NR4A3: variants seen among roughly 807,000 people sequenced by gnomAD.
NR4A3 encodes nuclear receptor subfamily 4 group A member 3.
Under a neutral mutation model 55.6 loss-of-function variants are expected in NR4A3, and 13 were observed. That is an observed-to-expected ratio of 0.23 (90% CI 0.15 to 0.37). The LOEUF (loss-of-function observed/expected upper bound fraction) is 0.37. NR4A3 is among the 10% of genes least tolerant of loss of function. The probability of loss-of-function intolerance (pLI) is 1.00; values close to 1 mark genes in which losing one functional copy is unlikely to be tolerated. For synonymous variants in NR4A3, 342 were observed against 357.9 expected (o/e 0.96, Z 0.50); for missense variants, 646 against 822.8 (o/e 0.79, Z 2.63).
intron 1 of NR4A3, among the ~76,000 whole-genome samples, chr9:99,823,740 A>AC (rs1227238812): frequency 1.5e-3 from 180 of 123,912 alleles, no homozygotes; most frequent in Non-Finnish European, 2.0e-3. Flanking sequence ...TCCGCCCCCC[A>AC]CCCCCCGGCA....
Position 99,835,998 on chromosome 9 carries a change from C to T in NR4A3, c.1254+2544C>T, listed in dbSNP as rs538814590. Among the ~76,000 whole-genome samples the T allele has an allele frequency of 3.3e-5, 5 of 152,290 alleles. No homozygotes were observed. The East Asian group carries it at 5.8e-4, about 18-fold the overall frequency. On this transcript the variant is annotated intron_variant, in intron 5 of 7. Coordinates refer to ENST00000395097, the MANE Select transcript of NR4A3 (RefSeq NM_006981.4). The stretch of plus-strand genomic sequence containing the variant: ...CAGGTTGAACCTCATAACTTGGATT[C>T]CCCTGCTTTTAGATGGCATTACACA...
chr9:99,828,562 G>A lies in NR4A3; in HGVS notation c.520G>A (p.Asp174Asn). 6.7e-7 allele frequency: 1 copy of A among 1,497,858 alleles called. No individual in the cohort carries two copies. The highest frequency in any genetic ancestry group is 8.9e-7 in the Non-Finnish European group (1 of 1,128,970). 92.8% of individuals were successfully genotyped at this position (1,497,858 alleles called of 1,614,324 possible). ...PGCIAPGPLL[D>N]PPMKAVPTVA... is the part of the protein sequence containing the mutation. ...CTGCATCGCACCCGGCCCGCTGCTG[G>A]ACCCGCCGATGAAGGCGGTCCCCAC... The change falls in exon 3 of 8, where the codon GAC (aspartate) becomes AAC (asparagine). Residue 174 changes from aspartate (D) to asparagine (N), a missense_variant. Physicochemically the swap from Asp to Asn is conservative, Grantham distance 23. Transcript: ENST00000395097. This position sits in a 1 kb window ranked among gnomAD's most constrained non-coding sequence, Gnocchi z 7.7.
chr9:99,845,550 G>A (rs1587882351), intron 6 of NR4A3, among the ~76,000 whole-genome samples: 1 of 152,028 alleles, frequency 6.6e-6, no homozygotes, highest in South Asian at 2.1e-4. Context: ...CTTCCTTTCA[G>A]TTATATATTT....
chr9:99,864,356 G>T lies in NR4A3; in HGVS notation c.*489G>T. 4.4e-6 allele frequency: 1 copy of T among 228,586 alleles called. No homozygotes were observed. Among genetic ancestry groups the T allele is most frequent in the Non-Finnish European group, 8.7e-6 (1 of 114,882 alleles). The allele number at this position is 228,586 out of a possible 1,614,324, so 14.2% of individuals were successfully genotyped here. A position where few individuals can be genotyped will look rare whatever the true frequency, so the allele number is the denominator to read the frequency against. On this transcript the variant is annotated 3_prime_UTR_variant, in exon 8 of 8. Transcript: ENST00000395097. ...AAGGTACGTATGTGGTGCAAACAAG[G>T]CAGAAACTTCCTTTTAATTTCCTTC...
chr9:99,852,298 T>C (rs913177954), intron 7 of NR4A3, among the ~76,000 whole-genome samples: 2 of 152,150 alleles, frequency 1.3e-5, no homozygotes, highest in African/African-American at 2.4e-5. Context: ...TATATTAAAA[T>C]CACACATATG....
chr9:99,852,499 T>G (rs563549196), intron 7 of NR4A3, among the ~76,000 whole-genome samples: 190 of 152,320 alleles, frequency 1.2e-3, no homozygotes, highest in Middle Eastern at 3.4e-3. Context: ...ATGTGATATT[T>G]ACCTTCTGGC....
intron 7 of NR4A3, among the ~76,000 whole-genome samples, chr9:99,857,461 A>G (rs768703989): frequency 6.6e-6 from 1 of 152,106 alleles, no homozygotes; most frequent in Non-Finnish European, 1.5e-5. Flanking sequence ...CCATTTTACA[A>G]ATGTGGAAAC....
chr9:99,825,272 G>A lies in NR4A3; in HGVS notation c.-176-387G>A, dbSNP rs1827273321. Among the ~76,000 whole-genome samples the A allele has an allele frequency of 6.6e-6, 1 of 152,140 alleles. No homozygotes were observed. The highest frequency in any genetic ancestry group is 1.5e-5 in the Non-Finnish European group (1 of 68,020). ...ACTCACTGACCCCCCGTATTCGGGC[G>A]GAGCTCGTTCCTCAAGTGTTCTGCT... is the stretch of plus-strand genomic sequence containing the variant. On this transcript the variant is annotated intron_variant, in intron 1 of 7. Transcript: ENST00000395097. This position sits in a 1 kb window ranked among gnomAD's most constrained non-coding sequence, Gnocchi z 5.0.
Position 99,832,742 on chromosome 9 carries a change from A to G in NR4A3, c.1005A>G (p.Pro335=). ...KYVCLANKNC[P]VDKRRRNRCQ... ...TTTGCCTGGCAAATAAAAACTGCCC[A>G]GTAGACAAGAGACGTCGAAACCGAT... The change falls in exon 4 of 8, where the codon CCA becomes CCG. Residue 335 remains proline (P), a synonymous_variant. Coordinates refer to ENST00000395097, the MANE Select transcript of NR4A3 (RefSeq NM_006981.4). 2.5e-6 allele frequency: 4 copies of G among 1,610,084 alleles called. No homozygotes were observed. Among genetic ancestry groups the G allele is most frequent in the Admixed American group, 1.7e-5 (1 of 59,880 alleles).
At chr9:99,841,219 G>A (rs1242870432) in intron 5 of NR4A3, among the ~76,000 whole-genome samples, 3 of 139,762 alleles carry the variant, frequency 2.1e-5, no homozygotes, top group African/African-American at 8.2e-5. Flanking sequence ...AACAGAGCAA[G>A]ACTCTGTCTC....
In NR4A3 at chr9:99,846,676, C is replaced by T. The variant is rs527763040; in HGVS notation, c.1455-761C>T. 3.9e-5 allele frequency among the ~76,000 whole-genome samples: 6 copies of T among 152,276 alleles called. No individual in the cohort carries two copies. The South Asian group carries it at 1.0e-3, about 26-fold the overall frequency. ...GTTTTGTTTTGTTTTGAGACAGAGT[C>T]CCACTCTGTCACCCAGGCTGGAGTG... On this transcript the variant is annotated intron_variant, in intron 6 of 7. Coordinates refer to ENST00000395097, the MANE Select transcript of NR4A3 (RefSeq NM_006981.4).
At chr9:99,833,234 C>A in intron 4 of NR4A3, 48 bp from the exon 5 acceptor site, 1 of 1,536,878 alleles carries the variant, frequency 6.5e-7, no homozygotes, top group South Asian at 1.3e-5. Context: ...TATGGTCGTT[C>A]ATTCCATAAT....
intron 7 of NR4A3, among the ~76,000 whole-genome samples, chr9:99,857,513 G>A (rs1342535905): frequency 6.6e-6 from 1 of 152,096 alleles, no homozygotes; most frequent in Non-Finnish European, 1.5e-5. Context: ...GAGGCCAGGG[G>A]TGGTGGCTCA....
intron 5 of NR4A3, among the ~76,000 whole-genome samples, chr9:99,842,150 GGAAAACACAAAGAA>G (rs1265959273): frequency 6.9e-6 from 1 of 145,056 alleles, no homozygotes; most frequent in East Asian, 2.0e-4. Flanking sequence ...CTGCTTCTTG[GGAAAACACAAAGAA>G]AAAAAGACCC....
intron 3 of NR4A3, among the ~76,000 whole-genome samples, chr9:99,831,006 G>A (rs1827429145): frequency 6.6e-6 from 1 of 152,192 alleles, no homozygotes; most frequent in South Asian, 2.1e-4. Context: ...CCACAGAACT[G>A]TTAATTAAGG....
intron 5 of NR4A3, among the ~76,000 whole-genome samples, chr9:99,840,421 G>A (rs1317291358): frequency 6.6e-6 from 1 of 152,200 alleles, no homozygotes; most frequent in African/African-American, 2.4e-5. Flanking sequence ...ATGGATTCAG[G>A]GGAGTCAGTG....
At position 99,822,060 on chromosome 9, in the gene NR4A3, C is replaced by T. The variant is rs376651802; in HGVS notation, c.-524C>T. 1 of 153,038 alleles carries T rather than the reference C, an allele frequency of 6.5e-6. No individual in the cohort carries two copies. Among genetic ancestry groups the T allele is most frequent in the East Asian group, 1.9e-4 (1 of 5,190 alleles). The allele number at this position is 153,038 out of a possible 1,614,324, so 9.5% of individuals were successfully genotyped here. On this transcript the variant is annotated 5_prime_UTR_variant, in exon 1 of 8. Coordinates refer to ENST00000395097, the MANE Select transcript of NR4A3 (RefSeq NM_006981.4). The surrounding 1 kb of genome is among the most constrained non-coding windows in gnomAD (Gnocchi z 4.9). ...TTCGCTCTCCCGCGCGCTCACACCC[C>T]TCTTGCCCTGAGCCCTTGCCGGTGC...
intron 7 of NR4A3, among the ~76,000 whole-genome samples, chr9:99,860,930 T>C (rs1587890032): frequency 6.6e-6 from 1 of 152,250 alleles, no homozygotes; most frequent in East Asian, 1.9e-4. Context: ...GGTTTTATTA[T>C]CATTGTACTT....
At chr9:99,830,060 T>A (rs1564030798) in intron 3 of NR4A3, among the ~76,000 whole-genome samples, 1 of 152,222 alleles carries the variant, frequency 6.6e-6, no homozygotes, top group Non-Finnish European at 1.5e-5. Context: ...GCCATCCTTC[T>A]CACTCCTCAC....
Sources: allele counts gnomAD v4.1 joint callset (sites outside exome capture counted in the v4.1 genomes callset), GRCh38; gene constraint gnomAD v4.1.1; non-coding constraint Gnocchi (gnomAD v3.1); transcripts MANE v1.5; gene names NCBI Gene and HGNC (gene_info 2026-07-23, HGNC 2026-07-21).